Variants in TOR1AIP1 observed in about 807,000 individuals in gnomAD.
TOR1AIP1 encodes the protein torsin-1A-interacting protein 1.
In TOR1AIP1, 54 loss-of-function variants were observed where a neutral mutation model predicts 63.3. The ratio of observed to expected loss-of-function variants is 0.85; its 90% CI spans 0.69 to 1.07. TOR1AIP1 has a LOEUF of 1.07. Among genes scored for constraint, TOR1AIP1 ranks in the 50% least tolerant of loss-of-function variants. The pLI, the probability that TOR1AIP1 is intolerant of heterozygous loss-of-function variation, is 0.00. For missense variants in TOR1AIP1, 736 were observed against 715.0 expected (o/e 1.03, Z -0.33); for synonymous variants, 294 against 273.5 (o/e 1.07, Z -0.74).
intron 3 of TOR1AIP1, among the ~76,000 whole-genome samples, chr1:179,893,265 CAAAA>C (rs139644855): frequency 0.023 from 3,355 of 148,586 alleles, 126 homozygotes; most frequent in African/African-American, 0.076. Context: ...AACAAACAAA[CAAAA>C]AAAAAAAAGT....
intron 8 of TOR1AIP1, among the ~76,000 whole-genome samples, chr1:179,910,448 C>A (rs555451919): frequency 6.6e-6 from 1 of 152,138 alleles, no homozygotes; most frequent in Non-Finnish European, 1.5e-5. Context: ...TCAGCAGTGA[C>A]GTTTTTAGCC....
At chr1:179,912,149 T>C (rs1050263093) in intron 8 of TOR1AIP1, among the ~76,000 whole-genome samples, 1 of 151,890 alleles carries the variant, frequency 6.6e-6, no homozygotes, top group Non-Finnish European at 1.5e-5. Flanking sequence ...ATGCCTCAGC[T>C]TCCCAAGTAG....
intron 9 of TOR1AIP1, among the ~76,000 whole-genome samples, chr1:179,914,666 C>T (rs1454453526): frequency 1.3e-5 from 2 of 152,066 alleles, no homozygotes; most frequent in East Asian, 1.9e-4. Flanking sequence ...TGGTGGCACA[C>T]GCCTGTTGTC....
chr1:179,916,378 C>T (rs555854402), intron 9 of TOR1AIP1, among the ~76,000 whole-genome samples: 140 of 152,246 alleles, frequency 9.2e-4, no homozygotes, highest in African/African-American at 3.3e-3. Context: ...CCACAGACCA[C>T]GCCTTGAGAA....
rs1571741641 is a variant in TOR1AIP1 at position 179,918,854 on chromosome 1, G to A, written c.*615G>A. On this transcript the variant is annotated 3_prime_UTR_variant, in exon 10 of 10. Transcript: ENST00000606911. Reference sequence around the variant, plus strand: ...TGTTACAGTAATCCACTGAGATGTAGTTTAGTCAAACATAGGTATATGAAC... The same window carrying A: ...TGTTACAGTAATCCACTGAGATGTAATTTAGTCAAACATAGGTATATGAAC... The A allele has an allele frequency of 6.6e-6, 1 of 152,252 alleles. No individual in the cohort carries two copies. Among genetic ancestry groups the A allele is most frequent in the African/African-American group, 2.4e-5 (1 of 41,428 alleles). The allele number at this position is 152,252 out of a possible 1,614,324, so 9.4% of individuals were successfully genotyped here. A position where few individuals can be genotyped will look rare whatever the true frequency, so the allele number is the denominator to read the frequency against.
chr1:179,897,999 G>T (rs1461699793), intron 3 of TOR1AIP1, among the ~76,000 whole-genome samples: 1 of 152,142 alleles, frequency 6.6e-6, no homozygotes, highest in Non-Finnish European at 1.5e-5. Context: ...CTACTCAGGA[G>T]GCTGAGGTGG....
Position 179,917,551 on chromosome 1 carries a change from T to C in TOR1AIP1, c.1064T>C (p.Phe355Ser), listed in dbSNP as rs750264700. Residue 355 changes from phenylalanine (F) to serine (S), a missense_variant, in exon 10 of 10, where the codon TTT becomes TCT. Around this residue, in one of 2 missense-constraint regions of TOR1AIP1, gnomAD observed 272 missense variants for 344.1 expected, o/e 0.79. Coordinates refer to ENST00000606911, the MANE Select transcript of TOR1AIP1 (RefSeq NM_015602.4). ...AALASGSFWF[F>S]STPEVETTAV... The stretch of plus-strand genomic sequence containing the variant: ...CTTGCCTCTGGGAGTTTTTGGTTCT[T>C]TAGTACTCCTGAGGTAGAAACCACT... 1.2e-6 allele frequency: 2 copies of C among 1,614,140 alleles called. No homozygotes were observed. The highest frequency in any genetic ancestry group is 3.3e-5 in the Admixed American group (2 of 60,022).
At chr1:179,915,572 A>C (rs1314524084) in intron 9 of TOR1AIP1, among the ~76,000 whole-genome samples, 12 of 152,244 alleles carry the variant, frequency 7.9e-5, no homozygotes, top group Non-Finnish European at 1.6e-4. Flanking sequence ...CCTGGCCAAC[A>C]TGGCAAAACC....
intron 3 of TOR1AIP1, among the ~76,000 whole-genome samples, chr1:179,890,511 A>G (rs1354872649): frequency 6.6e-6 from 1 of 152,154 alleles, no homozygotes; most frequent in Non-Finnish European, 1.5e-5. Flanking sequence ...TTCCTTTTCA[A>G]CCCTAATCAT....
Position 179,918,012 on chromosome 1 carries a change from GTCCTGACT to G in TOR1AIP1, c.1526_1533del (p.Val509GlyfsTer18). On this transcript the variant is annotated frameshift_variant, in exon 10 of 10. Transcript: ENST00000606911. LOFTEE classifies it high-confidence loss of function. ...CGCGGCCTTCAAAGATGTAGCCTTA[GTCCTGACT>G]GTCTTATTGGAGGAAGAGACACTTG... 6.2e-7 allele frequency: 1 copy of G among 1,614,206 alleles called. No homozygotes were observed. The highest frequency in any genetic ancestry group is 8.5e-7 in the Non-Finnish European group (1 of 1,180,036).
rs1278707395 is a variant in TOR1AIP1 at position 179,906,748 on chromosome 1, T to A, written c.797-1075T>A. Reference sequence around the variant, plus strand: ...AATTTTGGTTCCCCCCCCCCCTTTTTTTTTTTTGAGACAGAGTCTCGCTCT... The same window carrying A: ...AATTTTGGTTCCCCCCCCCCCTTTTATTTTTTTGAGACAGAGTCTCGCTCT... On this transcript the variant is annotated intron_variant, in intron 6 of 9. Transcript: ENST00000606911. Among the ~76,000 whole-genome samples, 2 of 140,630 alleles carry A rather than the reference T, an allele frequency of 1.4e-5. 1 individual carries two copies. The highest frequency in any genetic ancestry group is 5.4e-5 in the African/African-American group (2 of 37,368). 92.3% of individuals were successfully genotyped at this position (140,630 alleles called of 152,430 possible). A position where few individuals can be genotyped will look rare whatever the true frequency, so the allele number is the denominator to read the frequency against.
intron 2 of TOR1AIP1, among the ~76,000 whole-genome samples, chr1:179,886,701 T>C (rs1558038548): frequency 6.6e-6 from 1 of 152,234 alleles, no homozygotes; most frequent in Non-Finnish European, 1.5e-5. Flanking sequence ...AAATGGAATC[T>C]GCACATAGAT....
chr1:179,890,389 A>G (rs1428646800), intron 3 of TOR1AIP1, among the ~76,000 whole-genome samples: 1 of 152,132 alleles, frequency 6.6e-6, no homozygotes, highest in Non-Finnish European at 1.5e-5. Context: ...TTTATCAAAG[A>G]ATGATGTTGA....
chr1:179,899,744 AAACTAT>A (rs1299545204), intron 3 of TOR1AIP1, among the ~76,000 whole-genome samples: 6 of 152,154 alleles, frequency 3.9e-5, no homozygotes, highest in Non-Finnish European at 5.9e-5. Flanking sequence ...TCCCAGGTTC[AAACTAT>A]TCTCCTGCCT....
chr1:179,883,694 A>C (rs1257834861), intron 1 of TOR1AIP1: 1 of 456,164 alleles, frequency 2.2e-6, no homozygotes, highest in Non-Finnish European at 4.4e-6. Context: ...AGACTGACAA[A>C]GTAACCTGAA....
intron 3 of TOR1AIP1, among the ~76,000 whole-genome samples, chr1:179,895,034 T>G (rs918161414): frequency 6.6e-6 from 1 of 152,214 alleles, no homozygotes; most frequent in Non-Finnish European, 1.5e-5. Context: ...CAATTAATGC[T>G]TGGTTTTCAC....
intron 8 of TOR1AIP1, 147 bp downstream of exon 8, chr1:179,908,820 C>G (rs1456714551): frequency 1.5e-6 from 1 of 666,542 alleles, no homozygotes; most frequent in African/African-American, 1.8e-5. Flanking sequence ...TTAGTAATTT[C>G]TTGGACTGGC....
rs541879546 is a variant in TOR1AIP1 at position 179,894,343 on chromosome 1, A to G, written c.610+4974A>G. 2.6e-5 allele frequency among the ~76,000 whole-genome samples: 4 copies of G among 152,150 alleles called. No individual in the cohort carries two copies. The South Asian group carries it at 8.3e-4, about 32-fold the overall frequency. ...ATTCAGGAGTTATATACTTGCTCGA[A>G]CATATATTTATTACAACACTCCATA... On this transcript the variant is annotated intron_variant, in intron 3 of 9. Transcript: ENST00000606911.
intron 3 of TOR1AIP1, among the ~76,000 whole-genome samples, chr1:179,896,281 A>AT (rs1323908444): frequency 8.6e-5 from 13 of 151,762 alleles, no homozygotes; most frequent in Admixed American, 2.6e-4. Flanking sequence ...AACTTTTTTT[A>AT]TTTTTATTTT....
Sources: allele counts gnomAD v4.1 joint callset (sites outside exome capture counted in the v4.1 genomes callset), GRCh38; gene constraint gnomAD v4.1.1; regional missense constraint gnomAD v4.1.1; transcripts MANE v1.5; gene names NCBI Gene and HGNC (gene_info 2026-07-23, HGNC 2026-07-21).